Variants in COG5 observed in about 807,000 individuals in gnomAD.
The protein encoded by COG5 is component of oligomeric golgi complex 5.
COG5 carries 86 observed loss-of-function variants against 110.4 expected under a neutral mutation model. The ratio of observed to expected loss-of-function variants is 0.78; its 90% CI spans 0.65 to 0.93. The LOEUF is 0.93. COG5 is among the 40% of genes least tolerant of loss of function. The pLI, the probability that COG5 is intolerant of heterozygous loss-of-function variation, is 0.00. For synonymous variants in COG5, 360 were observed against 334.6 expected (o/e 1.08, Z -0.83); for missense variants, 1,077 against 987.0 (o/e 1.09, Z -1.22).
At chr7:107,363,759 C>A (rs1233813274) in intron 8 of COG5, among the ~76,000 whole-genome samples, 3 of 151,974 alleles carry the variant, frequency 2.0e-5, no homozygotes. Flanking sequence ...GATTCGAGAC[C>A]AGCTTGACCA....
intron 8 of COG5, among the ~76,000 whole-genome samples, chr7:107,366,780 C>T (rs1462852505): frequency 6.6e-6 from 1 of 152,128 alleles, no homozygotes; most frequent in Non-Finnish European, 1.5e-5. Context: ...TCTTTCCCTA[C>T]CTCTTATCCA....
intron 3 of COG5, 81 bp from the exon 4 acceptor site, chr7:107,548,413 C>T: frequency 7.8e-7 from 1 of 1,283,904 alleles, no homozygotes; most frequent in South Asian, 1.2e-5. Flanking sequence ...AAAGAAAATA[C>T]ATGCATATAT....
chr7:107,320,264 TA>T (rs1809143585), intron 11 of COG5, among the ~76,000 whole-genome samples: 1 of 152,230 alleles, frequency 6.6e-6, no homozygotes, highest in South Asian at 2.1e-4. Context: ...CTATTTTAAA[TA>T]TTTTTAAAGT....
At chr7:107,366,536 G>T (rs59998679) in intron 8 of COG5, among the ~76,000 whole-genome samples, 1 of 151,916 alleles carries the variant, frequency 6.6e-6, no homozygotes, top group Non-Finnish European at 1.5e-5. Context: ...GACACACAGC[G>T]TTCAACTGAG....
chr7:107,223,792 A>G (rs17427849), intron 19 of COG5, among the ~76,000 whole-genome samples: 25,367 of 151,976 alleles, frequency 0.17, 2,422 homozygotes, highest in Non-Finnish European at 0.22. Flanking sequence ...CTAAAATGTG[A>G]CTCCCAGATT....
intron 20 of COG5, 95 bp from the exon 21 acceptor site, chr7:107,210,700 A>C: frequency 7.4e-7 from 1 of 1,348,284 alleles, no homozygotes; most frequent in Non-Finnish European, 1.0e-6. Flanking sequence ...AGTATTCCCA[A>C]GGTGAAACTG....
intron 7 of COG5, among the ~76,000 whole-genome samples, chr7:107,407,453 A>G (rs952759307): frequency 8.5e-5 from 13 of 152,196 alleles, no homozygotes; most frequent in Admixed American, 2.0e-4. Context: ...AATATTTAAC[A>G]AATACTTATT....
Position 107,203,389 on chromosome 7 carries a change from T to C in COG5, c.*127A>G. 5 of 739,078 alleles carry C rather than the reference T, an allele frequency of 6.8e-6. No individual in the cohort carries two copies. The highest frequency in any genetic ancestry group is 5.8e-5 in the South Asian group (4 of 68,902). 45.8% of individuals were successfully genotyped at this position (739,078 alleles called of 1,614,324 possible). A position where few individuals can be genotyped will look rare whatever the true frequency, so the allele number is the denominator to read the frequency against. Reference sequence around the variant, plus strand: ...TGCTAAAGAGGTAAATAAACGTCGATAGGAAATACCGAACAATCAATTACA... The same window carrying C: ...TGCTAAAGAGGTAAATAAACGTCGACAGGAAATACCGAACAATCAATTACA... On this transcript the variant is annotated 3_prime_UTR_variant, in exon 22 of 22. Transcript: ENST00000297135.
chr7:107,531,030 T>C (rs1293774253), intron 5 of COG5, among the ~76,000 whole-genome samples: 1 of 147,510 alleles, frequency 6.8e-6, no homozygotes, highest in Non-Finnish European at 1.5e-5. Flanking sequence ...CTCTTTTACA[T>C]TAATCACTTC....
At chr7:107,544,946 A>C (rs1802306427) in intron 5 of COG5, among the ~76,000 whole-genome samples, 1 of 152,234 alleles carries the variant, frequency 6.6e-6, no homozygotes, top group Admixed American at 6.5e-5. Context: ...AGAAACCATA[A>C]GAATGAACCA....
At chr7:107,455,684 T>C (rs796477739) in intron 6 of COG5, among the ~76,000 whole-genome samples, 15 of 152,266 alleles carry the variant, frequency 9.9e-5, no homozygotes, top group African/African-American at 3.4e-4. Context: ...CTAGAGATCA[T>C]AGGGCATAAA....
chr7:107,515,673 G>A (rs1799869950), intron 6 of COG5, among the ~76,000 whole-genome samples: 1 of 152,158 alleles, frequency 6.6e-6, no homozygotes, highest in South Asian at 2.1e-4. Flanking sequence ...GGACTTTAAT[G>A]TAAAAGCTGG....
chr7:107,334,962 A>G (rs1810581726), intron 10 of COG5, among the ~76,000 whole-genome samples: 1 of 152,230 alleles, frequency 6.6e-6, no homozygotes, highest in Non-Finnish European at 1.5e-5. Context: ...GCAATCTGTT[A>G]GATATATCAT....
Position 107,418,662 on chromosome 7 carries a change from A to T in COG5, c.539-6030T>A, listed in dbSNP as rs35390726. On this transcript the variant is annotated intron_variant, in intron 6 of 21. Coordinates refer to ENST00000297135, the MANE Select transcript of COG5 (RefSeq NM_006348.5). ...TTAAAGAAACCTTAGAGAACACAGAAGTTAGTGGAAAATGTCATCCAAAAC... is the reference window on the plus strand; with the variant it reads ...TTAAAGAAACCTTAGAGAACACAGATGTTAGTGGAAAATGTCATCCAAAAC... 5.9e-3 allele frequency among the ~76,000 whole-genome samples: 866 copies of T among 146,460 alleles called. 5 individuals carry two copies. Among genetic ancestry groups the T allele is most frequent in the African/African-American group, 0.021 (796 of 38,464 alleles).
chr7:107,516,933 C>T (rs926525902), intron 6 of COG5, among the ~76,000 whole-genome samples: 30 of 152,124 alleles, frequency 2.0e-4, no homozygotes, highest in Non-Finnish European at 3.5e-4. Flanking sequence ...ATTCCAATAA[C>T]CAGAATGCGT....
chr7:107,415,267 G>A (rs1792637868), intron 6 of COG5, among the ~76,000 whole-genome samples: 1 of 152,100 alleles, frequency 6.6e-6, no homozygotes. Flanking sequence ...AGGAGTCAAA[G>A]AAGTTAAAAA....
intron 6 of COG5, among the ~76,000 whole-genome samples, chr7:107,421,569 T>A (rs902252640): frequency 6.6e-6 from 1 of 152,134 alleles, no homozygotes; most frequent in African/African-American, 2.4e-5. Context: ...GGCAGGCTGA[T>A]CACTTGAGGT....
intron 7 of COG5, among the ~76,000 whole-genome samples, chr7:107,383,764 C>T (rs539244944): frequency 1.3e-5 from 2 of 152,152 alleles, no homozygotes; most frequent in African/African-American, 2.4e-5. Context: ...CATTCTGAAC[C>T]CCCGGGAAGC....
chr7:107,320,070 C>A (rs2249043), intron 11 of COG5, among the ~76,000 whole-genome samples: 1 of 151,938 alleles, frequency 6.6e-6, no homozygotes, highest in African/African-American at 2.4e-5. Flanking sequence ...TTGGAAAAGA[C>A]CCATGCAGGC....
Sources: gnomAD v4.1 joint callset for allele counts (sites outside exome capture counted in the v4.1 genomes callset) on GRCh38, gnomAD v4.1.1 for gene constraint, MANE v1.5 for transcripts, NCBI Gene and HGNC (gene_info 2026-07-23, HGNC 2026-07-21) for gene names.